The following CADPS variants were observed in gnomAD, a reference collection of about 807,000 sequenced individuals.
CADPS encodes the protein calcium dependent secretion activator.
A neutral mutation model predicts 167.3 loss-of-function variants in CADPS; 57 were observed. The observed-to-expected ratio is 0.34, with a 90% CI of 0.28 to 0.42. CADPS has a LOEUF of 0.42. CADPS is among the 20% of genes least tolerant of loss of function. The pLI is 1.00. For synonymous variants in CADPS, 676 were observed against 635.3 expected (o/e 1.06, Z -0.96); for missense variants, 1,414 against 1,738.1 (o/e 0.81, Z 3.32).
At chr3:62,835,689 G>A (rs1213898633) in intron 1 of CADPS, among the ~76,000 whole-genome samples, 4 of 152,102 alleles carry the variant, frequency 2.6e-5, no homozygotes, top group Admixed American at 2.6e-4. Flanking sequence ...ATTGAGCTGC[G>A]TAGTATTGCC....
At chr3:62,833,449 G>A (rs533892720) in intron 1 of CADPS, among the ~76,000 whole-genome samples, 18 of 151,920 alleles carry the variant, frequency 1.2e-4, no homozygotes, top group Non-Finnish European at 2.9e-5. Context: ...GCCACTTTGG[G>A]AGGCTGAGGA....
intron 26 of CADPS, among the ~76,000 whole-genome samples, chr3:62,452,518 T>C (rs1455726622): frequency 6.6e-6 from 1 of 152,136 alleles, no homozygotes; most frequent in Non-Finnish European, 1.5e-5. Flanking sequence ...TTCATAAATA[T>C]AGGTTATTGC....
chr3:62,517,327 A>G (rs1357232667), intron 14 of CADPS, among the ~76,000 whole-genome samples: 2 of 152,118 alleles, frequency 1.3e-5, no homozygotes, highest in Non-Finnish European at 2.9e-5. Context: ...AACCTGGACT[A>G]TCTTATGTAA....
chr3:62,696,263 G>T (rs2080257321), intron 3 of CADPS, among the ~76,000 whole-genome samples: 1 of 152,124 alleles, frequency 6.6e-6, no homozygotes, highest in African/African-American at 2.4e-5. Context: ...GAAAGCTGCA[G>T]GGTGGGAGAG....
In CADPS at chr3:62,446,030, G is replaced by A. The variant is rs1413727642; in HGVS notation, c.3637-233C>T. Among the ~76,000 whole-genome samples, 1 of 152,202 alleles carries A rather than the reference G, an allele frequency of 6.6e-6. No homozygotes were observed. Among genetic ancestry groups the A allele is most frequent in the Non-Finnish European group, 1.5e-5 (1 of 68,030 alleles). ...ATTTACTGATTCAGATTCTGTTGCTGGAGCGGGAGCTTTACATTTTCCTCC... is the reference window on the plus strand; with the variant it reads ...ATTTACTGATTCAGATTCTGTTGCTAGAGCGGGAGCTTTACATTTTCCTCC... On this transcript the variant is annotated intron_variant, in intron 26 of 29. Coordinates refer to ENST00000383710, the MANE Select transcript of CADPS (RefSeq NM_003716.4). This position sits in a 1 kb window ranked among gnomAD's most constrained non-coding sequence, Gnocchi z 4.9.
In CADPS at chr3:62,421,657, C is replaced by T. The variant is rs58868034; in HGVS notation, c.3777+16447G>A. ...ACCCCTCCTGACGCTTCCCCCTTTTCCCCCCAAAGGAGGGGGAAGGGGGGA... is the reference window on the plus strand; with the variant it reads ...ACCCCTCCTGACGCTTCCCCCTTTTTCCCCCAAAGGAGGGGGAAGGGGGGA... On this transcript the variant is annotated intron_variant, in intron 28 of 29. Transcript: ENST00000383710. The surrounding 1 kb of genome is among the most constrained non-coding windows in gnomAD (Gnocchi z 4.7). Among the ~76,000 whole-genome samples, 1 of 152,160 alleles carries T rather than the reference C, an allele frequency of 6.6e-6. No homozygotes were observed. Among genetic ancestry groups the T allele is most frequent in the Non-Finnish European group, 1.5e-5 (1 of 68,032 alleles).
chr3:62,555,797 GCAGTGCAAT>G (rs1168948051), intron 10 of CADPS, among the ~76,000 whole-genome samples: 3 of 152,092 alleles, frequency 2.0e-5, no homozygotes, highest in African/African-American at 7.2e-5. Context: ...ATGGAGTGCA[GCAGTGCAAT>G]CATAGCTTAT....
chr3:62,725,191 A>G (rs981931480), intron 3 of CADPS, among the ~76,000 whole-genome samples: 2 of 152,214 alleles, frequency 1.3e-5, no homozygotes, highest in Admixed American at 6.5e-5. Flanking sequence ...ACTGTCTCGA[A>G]TGATGGGAAT....
Position 62,765,945 on chromosome 3 carries a change from G to A in CADPS, c.481C>T (p.Gln161Ter), listed in dbSNP as rs751660042. 1 of 1,613,614 alleles carries A rather than the reference G, an allele frequency of 6.2e-7. No homozygotes were observed. Among genetic ancestry groups the A allele is most frequent in the Non-Finnish European group, 8.5e-7 (1 of 1,179,616 alleles). The change falls in exon 2 of 30, where the codon CAG (glutamine) becomes TAG (stop). Residue 161 changes from glutamine to a stop codon, truncating the protein, a stop_gained. Transcript: ENST00000383710. LOFTEE classifies it high-confidence loss of function. ...TGGGTTTCCCCATTGAGGAAAGCCT[G>A]AAACCGGTCCTTGACTGTCTGCAGC... Reference protein sequence around the residue: ...QQLQTVKDRFQAFLNGETQIM... With the variant: ...QQLQTVKDRF
chr3:62,522,172 T>C (rs1344044568), intron 13 of CADPS, among the ~76,000 whole-genome samples: 5 of 152,036 alleles, frequency 3.3e-5, no homozygotes, highest in African/African-American at 9.7e-5. Context: ...CAGGGTCTCA[T>C]TCAGCCTAAG....
intron 3 of CADPS, among the ~76,000 whole-genome samples, chr3:62,718,757 C>T (rs542884435): frequency 2.6e-4 from 40 of 152,284 alleles, no homozygotes; most frequent in Non-Finnish European, 4.0e-4. Flanking sequence ...TATTGTCAGC[C>T]GCATCAGGAG....
intron 13 of CADPS, among the ~76,000 whole-genome samples, chr3:62,529,896 TGTCA>T (rs1448940790): frequency 6.6e-6 from 1 of 152,164 alleles, no homozygotes; most frequent in Non-Finnish European, 1.5e-5. Flanking sequence ...AACTTTAAAA[TGTCA>T]GTGTTAATTT....
At position 62,660,742 on chromosome 3, in the gene CADPS, C is replaced by T. The variant is rs553910338; in HGVS notation, c.969+1572G>A. On this transcript the variant is annotated intron_variant, in intron 4 of 29. Transcript: ENST00000383710. ...GGCCTGTGAATACAGTAGGAATCAT[C>T]AGGAGCCTGATGCTATTTACAATTT... Among the ~76,000 whole-genome samples, 27 of 152,300 alleles carry T rather than the reference C, an allele frequency of 1.8e-4. No homozygotes were observed. In the South Asian group the frequency reaches 5.4e-3, roughly 30 times the overall value.
intron 1 of CADPS, among the ~76,000 whole-genome samples, chr3:62,844,988 A>C (rs1219584313): frequency 6.6e-6 from 1 of 152,248 alleles, no homozygotes; most frequent in African/African-American, 2.4e-5. Flanking sequence ...CTAGGCTGCT[A>C]AGAGCCATAT....
chr3:62,569,712 G>A (rs1475590475), intron 9 of CADPS, among the ~76,000 whole-genome samples: 2 of 152,206 alleles, frequency 1.3e-5, no homozygotes, highest in Non-Finnish European at 2.9e-5. Context: ...ATTAATCCTA[G>A]TCAAGTAACC....
intron 13 of CADPS, chr3:62,530,882 C>A: frequency 2.7e-6 from 2 of 752,016 alleles, no homozygotes; most frequent in South Asian, 4.1e-5. Context: ...CAAGAGCACA[C>A]GCACATGCAC....
chr3:62,622,735 GA>G (rs893942217), intron 6 of CADPS, among the ~76,000 whole-genome samples: 14 of 150,966 alleles, frequency 9.3e-5, no homozygotes, highest in African/African-American at 2.9e-4. Context: ...AACCCAGGAG[GA>G]AAAAAAAAGT....
At position 62,398,975 on chromosome 3, in the gene CADPS, TTTAA is replaced by T. The variant is rs573364326; in HGVS notation, c.*427_*430del. ...AAAAACACAAAGCAGATCTATGTGT[TTTAA>T]TTAATTTATTTACGTACTCATTTAA... On this transcript the variant is annotated 3_prime_UTR_variant, in exon 30 of 30. Coordinates refer to ENST00000383710, the MANE Select transcript of CADPS (RefSeq NM_003716.4). 6.5e-6 allele frequency: 1 copy of T among 153,562 alleles called. No individual in the cohort carries two copies. Among genetic ancestry groups the T allele is most frequent in the Admixed American group, 6.5e-5 (1 of 15,384 alleles). 9.5% of individuals were successfully genotyped at this position (153,562 alleles called of 1,614,324 possible). A position where few individuals can be genotyped will look rare whatever the true frequency, so the allele number is the denominator to read the frequency against.
At chr3:62,479,470 G>A (rs527523460) in intron 22 of CADPS, among the ~76,000 whole-genome samples, 37 of 152,380 alleles carry the variant, frequency 2.4e-4, no homozygotes, top group Non-Finnish European at 4.4e-4. Flanking sequence ...AAACAGATGA[G>A]AGTGGGTGTT....
Sources: allele counts gnomAD v4.1 joint callset (sites outside exome capture counted in the v4.1 genomes callset), GRCh38; gene constraint gnomAD v4.1.1; non-coding constraint Gnocchi (gnomAD v3.1); transcripts MANE v1.5; gene names NCBI Gene and HGNC (gene_info 2026-07-23, HGNC 2026-07-21).